Variants in ATXN7L1 observed in about 807,000 individuals in gnomAD.
ATXN7L1 encodes ataxin-7-like protein 1.
In ATXN7L1, 15 loss-of-function variants were observed where a neutral mutation model predicts 70.8. That is an observed-to-expected ratio of 0.21 (90% CI 0.14 to 0.33). ATXN7L1 has a LOEUF of 0.33. Among genes scored for constraint, ATXN7L1 ranks in the 10% least tolerant of loss-of-function variants. ATXN7L1 has a pLI of 1.00. For synonymous variants in ATXN7L1, 440 were observed against 445.1 expected (o/e 0.99, Z 0.14); for missense variants, 975 against 1,097.1 (o/e 0.89, Z 1.57).
chr7:105,712,818 T>A (rs1794091045), intron 3 of ATXN7L1, among the ~76,000 whole-genome samples: 1 of 152,246 alleles, frequency 6.6e-6, no homozygotes, highest in African/African-American at 2.4e-5. Context: ...CCCTCCAAAC[T>A]GTTCCAACCT....
chr7:105,829,357 C>T (rs1811289374), intron 2 of ATXN7L1, among the ~76,000 whole-genome samples: 1 of 152,184 alleles, frequency 6.6e-6, no homozygotes, highest in Admixed American at 6.5e-5. Context: ...GCAGGAGAAT[C>T]ACTTGAACCT....
intron 3 of ATXN7L1, among the ~76,000 whole-genome samples, chr7:105,787,382 G>C (rs2116478097): frequency 6.6e-6 from 1 of 152,288 alleles, no homozygotes; most frequent in African/African-American, 2.4e-5. Context: ...TAGGGCCCTT[G>C]CTTTGCCTTG....
intron 3 of ATXN7L1, among the ~76,000 whole-genome samples, chr7:105,688,763 C>G (rs1042924907): frequency 2.6e-5 from 4 of 152,238 alleles, no homozygotes; most frequent in Admixed American, 2.6e-4. Context: ...AACTGGCAGT[C>G]TGCCTGCCCT....
intron 3 of ATXN7L1, among the ~76,000 whole-genome samples, chr7:105,680,821 TC>T (rs951971681): frequency 2.6e-5 from 4 of 152,212 alleles, no homozygotes; most frequent in Admixed American, 2.6e-4. Context: ...TGAGTTGCTT[TC>T]CTAGTATCTC....
intron 7 of ATXN7L1, among the ~76,000 whole-genome samples, chr7:105,632,578 A>G (rs973154831): frequency 6.6e-6 from 1 of 152,198 alleles, no homozygotes; most frequent in Non-Finnish European, 1.5e-5. Flanking sequence ...AAGTATCTCC[A>G]GATTGAATGA....
At chr7:105,807,943 T>C (rs1377677016) in intron 2 of ATXN7L1, among the ~76,000 whole-genome samples, 1 of 152,260 alleles carries the variant, frequency 6.6e-6, no homozygotes, top group East Asian at 1.9e-4. Flanking sequence ...GCTAGCTAAC[T>C]GATACAAGTC....
intron 11 of ATXN7L1, among the ~76,000 whole-genome samples, chr7:105,609,084 T>C (rs1792930343): frequency 6.6e-6 from 1 of 152,180 alleles, no homozygotes; most frequent in Non-Finnish European, 1.5e-5. Context: ...ACTGCTGCCA[T>C]GAAACTGCAT....
At chr7:105,740,784 T>TTTTCTTTTTTTTTTTTTTTTTG (rs556048408) in intron 3 of ATXN7L1, among the ~76,000 whole-genome samples, 1 of 77,926 alleles carries the variant, frequency 1.3e-5, no homozygotes, top group African/African-American at 6.1e-5. Context: ...TTTTTTTTTT[T>TTTTCTTTTTTTTTTTTTTTTTG]AATGGAGTCT....
intron 2 of ATXN7L1, among the ~76,000 whole-genome samples, chr7:105,807,866 A>C (rs1049606185): frequency 6.6e-6 from 1 of 152,224 alleles, no homozygotes; most frequent in African/African-American, 2.4e-5. Context: ...AGACCCACAG[A>C]ATCATAGTAA....
chr7:105,825,309 T>A (rs1288976402), intron 2 of ATXN7L1, among the ~76,000 whole-genome samples: 1 of 152,092 alleles, frequency 6.6e-6, no homozygotes, highest in Non-Finnish European at 1.5e-5. Flanking sequence ...TTCCAGTCAG[T>A]GGACTTCCCA....
rs186319814 is a variant in ATXN7L1, at chr7:105,616,170, C to A, written c.1518-1354G>T. ...ACTAGCTTTCCTTCTTTGAAAGCAG[C>A]ACATGAAGGTGAGCAGGCCCAGAGC... On this transcript the variant is annotated intron_variant, in intron 9 of 11. Transcript: ENST00000419735. Among the ~76,000 whole-genome samples, 16 of 152,340 alleles carry A rather than the reference C, an allele frequency of 1.1e-4. 1 individual carries two copies. The highest frequency in any genetic ancestry group is 9.8e-4 in the Admixed American group (15 of 15,308).
chr7:105,790,513 C>T (rs1237912346), intron 2 of ATXN7L1, among the ~76,000 whole-genome samples: 2 of 151,858 alleles, frequency 1.3e-5, no homozygotes, highest in African/African-American at 4.8e-5. Context: ...TCCAAGAGGT[C>T]AAGGCTGCAG....
At chr7:105,662,834 A>G (rs1271670277) in intron 4 of ATXN7L1, among the ~76,000 whole-genome samples, 1 of 152,216 alleles carries the variant, frequency 6.6e-6, no homozygotes. Context: ...GGCACACATG[A>G]TAACATAGTA....
At chr7:105,875,631 C>CCA (rs780757664) in intron 2 of ATXN7L1, among the ~76,000 whole-genome samples, 181 bp downstream of exon 2, 8 of 121,182 alleles carry the variant, frequency 6.6e-5, no homozygotes, top group Non-Finnish European at 1.1e-4. Flanking sequence ...CCCTTTACCC[C>CCA]CCCCCCAGTT....
intron 3 of ATXN7L1, among the ~76,000 whole-genome samples, chr7:105,700,051 G>A (rs891509896): frequency 5.3e-5 from 8 of 152,166 alleles, no homozygotes; most frequent in South Asian, 2.1e-4. Flanking sequence ...CCTCCGAGCC[G>A]CTCTGAGCTC....
rs1280906754 is a variant in ATXN7L1, at chr7:105,685,075, AT to A, written c.356-19788del. Among the ~76,000 whole-genome samples the A allele has an allele frequency of 2.0e-3, 261 of 132,546 alleles. 1 individual carries two copies. Among genetic ancestry groups the A allele is most frequent in the Non-Finnish European group, 2.8e-3 (168 of 59,726 alleles). The allele number at this position is 132,546 out of a possible 152,430, so 87.0% of individuals were successfully genotyped here. On this transcript the variant is annotated intron_variant, in intron 3 of 11. Coordinates refer to ENST00000419735, the MANE Select transcript of ATXN7L1 (RefSeq NM_020725.2). Reference sequence around the variant, plus strand: ...AATAATAATAATAATAATAATAATAATAATAATAATAAATGGTTTTCCAATT... The same window carrying A: ...AATAATAATAATAATAATAATAATAAAATAATAATAAATGGTTTTCCAATT...
intron 3 of ATXN7L1, among the ~76,000 whole-genome samples, chr7:105,733,771 C>T (rs1315758117): frequency 7.1e-6 from 1 of 140,670 alleles, no homozygotes; most frequent in African/African-American, 2.6e-5. Context: ...CCCCTCCATC[C>T]GTCCACCCAT....
chr7:105,802,005 A>G (rs936745608), intron 2 of ATXN7L1, among the ~76,000 whole-genome samples: 1 of 152,178 alleles, frequency 6.6e-6, no homozygotes, highest in African/African-American at 2.4e-5. Flanking sequence ...GGGGTCACTT[A>G]AAGCCTGGTG....
At chr7:105,851,286 G>A (rs1814840277) in intron 2 of ATXN7L1, among the ~76,000 whole-genome samples, 1 of 152,172 alleles carries the variant, frequency 6.6e-6, no homozygotes, top group South Asian at 2.1e-4. Flanking sequence ...CAGCAAGCAA[G>A]CAGCAGGGCC....
Sources: allele counts gnomAD v4.1 joint callset (sites outside exome capture counted in the v4.1 genomes callset), GRCh38; gene constraint gnomAD v4.1.1; transcripts MANE v1.5; gene names NCBI Gene and HGNC (gene_info 2026-07-23, HGNC 2026-07-21).